Variants in NMS observed in about 807,000 individuals in gnomAD.
NMS encodes neuromedin-S.
A neutral mutation model predicts 32.2 loss-of-function variants in NMS; 30 were observed. The ratio of observed to expected loss-of-function variants is 0.93; its 90% CI spans 0.70 to 1.26. The LOEUF (loss-of-function observed/expected upper bound fraction) is 1.26. Ranked by LOEUF, NMS falls within the 50% of genes most tolerant of loss-of-function variation. The probability of loss-of-function intolerance (pLI) is 0.00; values close to 1 mark genes in which losing one functional copy is unlikely to be tolerated. For synonymous variants in NMS, 76 were observed against 58.5 expected (o/e 1.30, Z -1.37); for missense variants, 190 against 186.3 (o/e 1.02, Z -0.12).
rs1044198779 is a variant in NMS, at chr2:100,476,998, C to T, written c.184-246C>T. Among the ~76,000 whole-genome samples the T allele has an allele frequency of 1.1e-4, 16 of 152,282 alleles. 1 individual carries two copies. In the Middle Eastern group the frequency reaches 0.014, roughly 129 times the overall value. On this transcript the variant is annotated intron_variant, in intron 3 of 9. Transcript: ENST00000376865. Reference sequence around the variant, plus strand: ...GTCTCTCCTCCCCACGCCCTGCAAACTGAAAAGATGAAATGAGATTATATT... The same window carrying T: ...GTCTCTCCTCCCCACGCCCTGCAAATTGAAAAGATGAAATGAGATTATATT...
chr2:100,473,376 A>T, intron 2 of NMS, 113 bp from the exon 3 acceptor site: 2 of 414,048 alleles, frequency 4.8e-6, no homozygotes, highest in Non-Finnish European at 8.6e-6. Flanking sequence ...CTACTGAATT[A>T]TCAAACACCA....
intron 9 of NMS, among the ~76,000 whole-genome samples, chr2:100,482,732 A>T (rs755556523): frequency 5.3e-5 from 8 of 152,156 alleles, no homozygotes; most frequent in African/African-American, 7.2e-5. Context: ...CAGTGAGATC[A>T]TTTCTAAGTA....
In NMS at chr2:100,480,549, A is replaced by G; in HGVS notation, c.372+18A>G. Reference sequence around the variant, plus strand: ...CCAAGAAGGTACACAAGAGCCTTGGAGACTGCGACCCCCAAAGAAAGCCCT... The same window carrying G: ...CCAAGAAGGTACACAAGAGCCTTGGGGACTGCGACCCCCAAAGAAAGCCCT... On this transcript the variant is annotated intron_variant, in intron 7 of 9. Transcript: ENST00000376865. 3 of 1,612,334 alleles carry G rather than the reference A, an allele frequency of 1.9e-6. No homozygotes were observed. The highest frequency in any genetic ancestry group is 2.5e-6 in the Non-Finnish European group (3 of 1,179,886).
intron 3 of NMS, among the ~76,000 whole-genome samples, chr2:100,476,985 C>A (rs1480982316): frequency 6.6e-6 from 1 of 152,168 alleles, no homozygotes; most frequent in Non-Finnish European, 1.5e-5. Flanking sequence ...CTCTCCTCCC[C>A]ACGCCCTGCA....
Position 100,479,362 on chromosome 2 carries a change from G to A in NMS, c.271G>A (p.Val91Met). The change falls in exon 6 of 10, where the codon GTG (valine) becomes ATG (methionine). Residue 91 changes from valine to methionine, a missense_variant. Coordinates refer to ENST00000376865, the MANE Select transcript of NMS (RefSeq NM_001011717.1). ...CGCCTGTCTGTTGCAGTTTCCTCCAGTGCATCCTCTAATGCACCTGGCTGC... is the reference window on the plus strand; with the variant it reads ...CGCCTGTCTGTTGCAGTTTCCTCCAATGCATCCTCTAATGCACCTGGCTGC... ...THPVKTGFPP[V>M]HPLMHLAAKL... 1 of 1,609,308 alleles carries A rather than the reference G, an allele frequency of 6.2e-7. No homozygotes were observed. The highest frequency in any genetic ancestry group is 8.5e-7 in the Non-Finnish European group (1 of 1,177,788).
chr2:100,475,209 G>A (rs561488185), intron 3 of NMS, among the ~76,000 whole-genome samples: 2 of 152,292 alleles, frequency 1.3e-5, no homozygotes, highest in African/African-American at 2.4e-5. Context: ...GGCATTAATA[G>A]AGAAACTGGC....
chr2:100,473,423 C>A, intron 2 of NMS, 66 bp from the exon 3 acceptor site: 1 of 826,500 alleles, frequency 1.2e-6, no homozygotes, highest in Non-Finnish European at 1.9e-6. Context: ...TTTGATTACC[C>A]ATTAATCAAT....
At chr2:100,477,989 T>C (rs537285785) in intron 5 of NMS, among the ~76,000 whole-genome samples, 8 of 152,186 alleles carry the variant, frequency 5.3e-5, no homozygotes, top group African/African-American at 1.7e-4. Flanking sequence ...TTGAGAAGAG[T>C]CTTGCTCTGT....
chr2:100,481,579 T>C (rs1677216899), intron 8 of NMS, among the ~76,000 whole-genome samples: 2 of 152,216 alleles, frequency 1.3e-5, no homozygotes, highest in Admixed American at 6.5e-5. Flanking sequence ...AGTTATCTTT[T>C]AGATTTTGAT....
intron 5 of NMS, among the ~76,000 whole-genome samples, chr2:100,477,820 G>A (rs1276241050): frequency 6.6e-6 from 1 of 152,110 alleles, no homozygotes; most frequent in Non-Finnish European, 1.5e-5. Flanking sequence ...AACATCTTCC[G>A]TGGCTGTCGC....
chr2:100,481,246 C>A, intron 8 of NMS, 79 bp downstream of exon 8: 1 of 1,320,528 alleles, frequency 7.6e-7, no homozygotes, highest in Non-Finnish European at 1.1e-6. Context: ...CTGCAAACAG[C>A]AGAGCCAGGA....
At chr2:100,472,967 C>A in intron 2 of NMS, 117 bp downstream of exon 2, 1 of 617,950 alleles carries the variant, frequency 1.6e-6, no homozygotes, top group South Asian at 2.6e-5. Context: ...AGCAGAAACT[C>A]ACTGTTGCCA....
At chr2:100,473,388 G>C in intron 2 of NMS, 101 bp from the exon 3 acceptor site, 1 of 481,522 alleles carries the variant, frequency 2.1e-6, no homozygotes, top group Non-Finnish European at 3.6e-6. Flanking sequence ...CAAACACCAG[G>C]CCTTGTTTCT....
chr2:100,475,224 C>T (rs1677086928), intron 3 of NMS, among the ~76,000 whole-genome samples: 2 of 152,196 alleles, frequency 1.3e-5, no homozygotes, highest in Admixed American at 6.5e-5. Flanking sequence ...ACTGGCTCTT[C>T]CTGGCTTGTT....
chr2:100,471,627 C>G (rs1300301071), intron 1 of NMS, among the ~76,000 whole-genome samples: 2 of 152,004 alleles, frequency 1.3e-5, no homozygotes, highest in African/African-American at 4.8e-5. Flanking sequence ...CCTATTTTTT[C>G]CTGTTTGACT....
rs756580164 is a variant in NMS at position 100,481,182 on chromosome 2, C to T, written c.414+15C>T. The T allele has an allele frequency of 1.4e-5, 22 of 1,613,464 alleles. No homozygotes were observed. The highest frequency in any genetic ancestry group is 2.7e-5 in the African/African-American group (2 of 74,908). On this transcript the variant is annotated intron_variant, in intron 8 of 9. Transcript: ENST00000376865. ...TCCTTTTCAGGGTATAGCATGTTTT[C>T]TCACCTTTGCTTTCTAACCTCGATT... is the stretch of plus-strand genomic sequence containing the variant.
intron 9 of NMS, 144 bp downstream of exon 9, chr2:100,482,455 C>T (rs963508948): frequency 1.1e-5 from 8 of 757,728 alleles, no homozygotes; most frequent in South Asian, 5.1e-5. Flanking sequence ...GAACTCTGCC[C>T]CTTCCCTTTT....
At chr2:100,481,236 C>T (rs1677210722) in intron 8 of NMS, 69 bp downstream of exon 8, 5 of 1,428,124 alleles carry the variant, frequency 3.5e-6, no homozygotes, top group Non-Finnish European at 4.9e-6. Context: ...CATGGAGTGA[C>T]TGCAAACAGC....
chr2:100,479,159 CT>C (rs1312452866), intron 5 of NMS, among the ~76,000 whole-genome samples, 193 bp from the exon 6 acceptor site: 1 of 152,238 alleles, frequency 6.6e-6, no homozygotes, highest in African/African-American at 2.4e-5. Flanking sequence ...GAATTGAAAC[CT>C]GTTCTCACGG....
Sources: allele counts gnomAD v4.1 joint callset (sites outside exome capture counted in the v4.1 genomes callset), GRCh38; gene constraint gnomAD v4.1.1; transcripts MANE v1.5; gene names NCBI Gene and HGNC (gene_info 2026-07-23, HGNC 2026-07-21).